The following SHPRH variants were observed in gnomAD, a reference collection of about 807,000 sequenced individuals.
SHPRH encodes the protein SNF2 histone linker PHD RING helicase.
Under a neutral mutation model 202.5 loss-of-function variants are expected in SHPRH, and 106 were observed. That is an observed-to-expected ratio of 0.52 (90% CI 0.45 to 0.62). The LOEUF is 0.62. Among genes scored for constraint, SHPRH ranks in the 20% least tolerant of loss-of-function variants. The pLI is 0.00. For missense variants in SHPRH, 1,710 were observed against 2,020.0 expected, an observed-to-expected ratio of 0.85 and a Z score of 2.94; for synonymous variants, 729 against 686.0, an observed-to-expected ratio of 1.06 and a Z score of -0.98.
chr6:145,913,571 AAT>A lies in SHPRH; in HGVS notation c.4255-24_4255-23del, dbSNP rs751751748. On this transcript the variant is annotated intron_variant, in intron 23 of 29. Transcript: ENST00000275233. The stretch of plus-strand genomic sequence containing the variant: ...GAGACTATCCAAAAAAGAATTAAAA[AAT>A]ATATTAGTTACGTTTTTACATATAA... 5.7e-6 allele frequency: 9 copies of A among 1,587,260 alleles called. No homozygotes were observed. The Admixed American group carries it at 1.6e-4, about 28-fold the overall frequency.
downstream of SHPRH, among the ~76,000 whole-genome samples, chr6:145,862,316 C>T (rs907522477): frequency 2.6e-5 from 4 of 151,754 alleles, no homozygotes; most frequent in South Asian, 2.1e-4. Flanking sequence ...TAGCCGGGCG[C>T]GGTGGCGGGT....
Position 145,950,312 on chromosome 6 carries a change from C to A in SHPRH, c.934G>T (p.Val312Phe). 1 of 1,613,176 alleles carries A rather than the reference C, an allele frequency of 6.2e-7. No homozygotes were observed. The stretch of plus-strand genomic sequence containing the variant: ...CACTCTTGTTGTAGCATCCAATTGA[C>A]AGCCTCTCTTTGGTAGGGTCTCAAC... ...PVLRPYQREA[V>F]NWMLQQECFR... The change falls in exon 4 of 30, where the codon GTC becomes TTC. Residue 312 changes from valine (V) to phenylalanine (F), a missense_variant. Physicochemically the swap from Val to Phe is conservative, Grantham distance 50 (BLOSUM62 -1). This residue lies in a region of SHPRH where 459 missense variants were observed against 426.5 expected (regional missense o/e 1.08). Transcript: ENST00000275233.
At chr6:145,890,056 T>A (rs1196815932) in intron 28 of SHPRH, among the ~76,000 whole-genome samples, 1 of 152,166 alleles carries the variant, frequency 6.6e-6, no homozygotes, top group African/African-American at 2.4e-5. Context: ...AATGAATCAT[T>A]TTCTTACTAA....
At chr6:145,875,692 T>TTAA (rs1780269542) in intron 2 of SHPRH, among the ~76,000 whole-genome samples, 1 of 152,202 alleles carries the variant, frequency 6.6e-6, no homozygotes, top group Admixed American at 6.5e-5. Context: ...TTTTAAAAGA[T>TTAA]AATAGTTATC....
At chr6:145,947,842 A>G (rs1787560517) in intron 5 of SHPRH, among the ~76,000 whole-genome samples, 199 bp from the exon 6 acceptor site, 1 of 152,058 alleles carries the variant, frequency 6.6e-6, no homozygotes, top group Admixed American at 6.6e-5. Context: ...CTGAGCTGAC[A>G]AGTAACTCTG....
intron 28 of SHPRH, among the ~76,000 whole-genome samples, chr6:145,889,527 C>T (rs116097922): frequency 6.6e-5 from 10 of 152,046 alleles, no homozygotes; most frequent in Admixed American, 4.6e-4. Flanking sequence ...CCTGACTTCA[C>T]GTGATGAGTC....
chr6:145,955,150 C>T lies in SHPRH; in HGVS notation c.173G>A (p.Ser58Asn). The part of the protein sequence containing the change: ...DTSSAHYIIL[S>N]DSLKEEVAHR... Reference sequence around the variant, plus strand: ...AGCCACTTCTTCCTTTAGACTATCACTTAGAATGATATAATGAGCAGAAGA... The same window carrying T: ...AGCCACTTCTTCCTTTAGACTATCATTTAGAATGATATAATGAGCAGAAGA... The change falls in exon 2 of 30, where the codon AGT becomes AAT. Residue 58 changes from serine (S) to asparagine (N), a missense_variant. Physicochemically the swap from Ser to Asn is conservative, Grantham distance 46. Coordinates refer to ENST00000275233, the MANE Select transcript of SHPRH (RefSeq NM_001042683.3). 1 of 1,613,806 alleles carries T rather than the reference C, an allele frequency of 6.2e-7. No individual in the cohort carries two copies. Among genetic ancestry groups the T allele is most frequent in the South Asian group, 1.1e-5 (1 of 91,076 alleles).
At chr6:145,925,714 A>C (rs1784815508) in intron 16 of SHPRH, among the ~76,000 whole-genome samples, 7 of 151,986 alleles carry the variant, frequency 4.6e-5, no homozygotes, top group Admixed American at 2.0e-4. Context: ...TAGTAAAATA[A>C]TTTATAATAT....
rs1305107685 is a variant in SHPRH, at chr6:145,954,943, T to C, written c.380A>G (p.Gln127Arg). 1 of 1,613,912 alleles carries C rather than the reference T, an allele frequency of 6.2e-7. No homozygotes were observed. Residue 127 changes from glutamine to arginine, a missense_variant, in exon 2 of 30, where the codon CAG becomes CGG. This residue lies in a region of SHPRH where 459 missense variants were observed against 426.5 expected (regional missense o/e 1.08). Coordinates refer to ENST00000275233, the MANE Select transcript of SHPRH (RefSeq NM_001042683.3). ...TTCGGAAAAATTTTCAATTAAACTC[T>C]GTGCAGGAAGAAGCTGAAGAGTTAA... is the stretch of plus-strand genomic sequence containing the variant. The part of the protein sequence containing the change: ...GELTLQLLPA[Q>R]SLIENFSERS...
chr6:145,912,205 C>T (rs1783555013), intron 24 of SHPRH, among the ~76,000 whole-genome samples: 1 of 151,646 alleles, frequency 6.6e-6, no homozygotes, highest in African/African-American at 2.4e-5. Flanking sequence ...TGGGTTAACT[C>T]TGATAGATTC....
At chr6:145,959,847 G>A (rs1056993053) in intron 1 of SHPRH, among the ~76,000 whole-genome samples, 4 of 152,178 alleles carry the variant, frequency 2.6e-5, no homozygotes, top group African/African-American at 9.7e-5. Context: ...TACTTTTAAA[G>A]CATCTTATCC....
At chr6:145,914,131 G>A (rs1330729111) in intron 23 of SHPRH, among the ~76,000 whole-genome samples, 2 of 152,034 alleles carry the variant, frequency 1.3e-5, no homozygotes, top group East Asian at 1.9e-4. Context: ...TGATTCCCAA[G>A]ATTCTACAGG....
intron 29 of SHPRH, 41 bp downstream of exon 29, chr6:145,887,979 G>A (rs754683602): frequency 2.1e-6 from 3 of 1,460,800 alleles, no homozygotes; most frequent in Non-Finnish European, 2.9e-6. Flanking sequence ...CTTTTAACAG[G>A]AAAACCTTCC....
chr6:145,883,516 A>AAC (rs1419848955), downstream of SHPRH: 4 of 152,228 alleles, frequency 2.6e-5, no homozygotes, highest in Non-Finnish European at 5.9e-5. Flanking sequence ...GTTATCAATT[A>AAC]CTTACATAGC....
At chr6:145,924,962 C>T in intron 16 of SHPRH, 116 bp from the exon 17 acceptor site, 1 of 706,300 alleles carries the variant, frequency 1.4e-6, no homozygotes, top group Non-Finnish European at 2.3e-6. Flanking sequence ...TGCATTTAAA[C>T]ATAAAAGTCC....
chr6:145,886,584 G>C lies in SHPRH; in HGVS notation c.*107C>G. 6.6e-7 allele frequency: 1 copy of C among 1,518,074 alleles called. No homozygotes were observed. The highest frequency in any genetic ancestry group is 8.8e-7 in the Non-Finnish European group (1 of 1,130,088). The allele number at this position is 1,518,074 out of a possible 1,614,324, so 94.0% of individuals were successfully genotyped here. On this transcript the variant is annotated 3_prime_UTR_variant, in exon 30 of 30. Coordinates refer to ENST00000275233, the MANE Select transcript of SHPRH (RefSeq NM_001042683.3). ...AACAATAAACAAATTCATTCAACTA[G>C]GAACAGTGTTACTGTTATCTACTGG...
intron 17 of SHPRH, among the ~76,000 whole-genome samples, 192 bp from the exon 18 acceptor site, chr6:145,923,977 A>C (rs1784648067): frequency 6.6e-6 from 1 of 151,916 alleles, no homozygotes; most frequent in Non-Finnish European, 1.5e-5. Flanking sequence ...AATATAATTA[A>C]AGAGAAACCC....
intron 25 of SHPRH, chr6:145,909,943 A>T (rs1450467885): frequency 6.6e-6 from 1 of 152,164 alleles, no homozygotes; most frequent in Non-Finnish European, 1.5e-5. Context: ...AGGAAAATAA[A>T]GCCAAAATTT....
At chr6:145,936,483 T>C (rs1345105899) in intron 11 of SHPRH, among the ~76,000 whole-genome samples, 1 of 152,034 alleles carries the variant, frequency 6.6e-6, no homozygotes. Flanking sequence ...TGTGCCACCA[T>C]GCCTGGCTAA....
Sources: gnomAD v4.1 joint callset for allele counts (sites outside exome capture counted in the v4.1 genomes callset) on GRCh38, gnomAD v4.1.1 for gene constraint, gnomAD v4.1.1 regional missense constraint, MANE v1.5 for transcripts, NCBI Gene and HGNC (gene_info 2026-07-23, HGNC 2026-07-21) for gene names.